MBNL1: variants seen among roughly 807,000 people sequenced by gnomAD.
MBNL1 encodes muscleblind like splicing regulator 1.
In MBNL1, 8 loss-of-function variants were observed where a neutral mutation model predicts 42.2. That is an observed-to-expected ratio of 0.19 (90% CI 0.11 to 0.34). The LOEUF (loss-of-function observed/expected upper bound fraction) is 0.34, where lower values mean the gene tolerates loss of function less well. Among genes scored for constraint, MBNL1 ranks in the 10% least tolerant of loss-of-function variants. The pLI is 1.00. For missense variants in MBNL1, 309 were observed against 495.3 expected (o/e 0.62, Z 3.57); for synonymous variants, 169 against 173.9 (o/e 0.97, Z 0.22).
At chr3:152,366,487 A>G (rs2096380323) in intron 2 of MBNL1, among the ~76,000 whole-genome samples, 2 of 152,184 alleles carry the variant, frequency 1.3e-5, no homozygotes, top group Non-Finnish European at 2.9e-5. Flanking sequence ...TGGCAGATAC[A>G]TTTCCAGTTG....
At chr3:152,316,824 C>T (rs1411649213) in intron 2 of MBNL1, among the ~76,000 whole-genome samples, 2 of 152,092 alleles carry the variant, frequency 1.3e-5, no homozygotes, top group African/African-American at 4.8e-5. Context: ...ATAGAGCTGG[C>T]TTTGCCTTCT....
intron 2 of MBNL1, among the ~76,000 whole-genome samples, chr3:152,411,099 C>A (rs867751501): frequency 6.6e-6 from 1 of 152,142 alleles, no homozygotes; most frequent in African/African-American, 2.4e-5. Context: ...AAAGATGTGA[C>A]CACTCAGAGA....
At chr3:152,446,697 A>T (rs763235343) in intron 5 of MBNL1, 1 of 1,613,714 alleles carries the variant, frequency 6.2e-7, no homozygotes, top group East Asian at 2.2e-5. Flanking sequence ...GCTGCCTGCT[A>T]ATTAAGACTC....
At chr3:152,317,150 G>T (rs2072335227) in intron 2 of MBNL1, among the ~76,000 whole-genome samples, 1 of 152,026 alleles carries the variant, frequency 6.6e-6, no homozygotes, top group Admixed American at 6.6e-5. Flanking sequence ...ATTTTCTACA[G>T]ATCTTCCATT....
chr3:152,343,754 T>G (rs929988593), intron 2 of MBNL1, among the ~76,000 whole-genome samples: 6 of 152,100 alleles, frequency 3.9e-5, no homozygotes, highest in African/African-American at 1.4e-4. Context: ...AGGAATAAAG[T>G]ATTCCAAATT....
intron 2 of MBNL1, among the ~76,000 whole-genome samples, chr3:152,260,300 T>C (rs2036038875): frequency 6.6e-6 from 1 of 152,114 alleles, no homozygotes; most frequent in African/African-American, 2.4e-5. Context: ...GCTAAGCCCA[T>C]TGCAGAAACA....
At chr3:152,371,408 A>C (rs2096653844) in intron 2 of MBNL1, among the ~76,000 whole-genome samples, 1 of 152,090 alleles carries the variant, frequency 6.6e-6, no homozygotes, top group Non-Finnish European at 1.5e-5. Flanking sequence ...GACCAGCCTG[A>C]CCAACATGGG....
chr3:152,445,885 T>C (rs1412077618), intron 5 of MBNL1, among the ~76,000 whole-genome samples: 4 of 152,226 alleles, frequency 2.6e-5, no homozygotes, highest in Non-Finnish European at 5.9e-5. Flanking sequence ...TAATCAGCCA[T>C]TGTTTTCCTT....
chr3:152,380,004 A>G (rs2097112211), intron 2 of MBNL1, among the ~76,000 whole-genome samples: 1 of 152,140 alleles, frequency 6.6e-6, no homozygotes, highest in Non-Finnish European at 1.5e-5. Flanking sequence ...AGATAAATTA[A>G]TATTAATTCT....
At chr3:152,311,000 ACT>A (rs2066087452) in intron 2 of MBNL1, among the ~76,000 whole-genome samples, 1 of 122,568 alleles carries the variant, frequency 8.2e-6, no homozygotes, top group African/African-American at 3.1e-5. Context: ...GAACCATGAG[ACT>A]TTTTTTTTTT....
At chr3:152,346,896 A>C (rs949390781) in intron 2 of MBNL1, among the ~76,000 whole-genome samples, 19 of 151,156 alleles carry the variant, frequency 1.3e-4, no homozygotes, top group Non-Finnish European at 2.2e-4. Flanking sequence ...AAAAAAAAAA[A>C]AACCAGTCAT....
At chr3:152,277,849 GTTA>G (rs2046212762) in intron 1 of MBNL1, among the ~76,000 whole-genome samples, 1 of 151,910 alleles carries the variant, frequency 6.6e-6, no homozygotes, top group Non-Finnish European at 1.5e-5. Context: ...CAACTTATTA[GTTA>G]TTTAGATTGC....
intron 2 of MBNL1, chr3:152,301,057 C>A: frequency 4.0e-6 from 1 of 247,856 alleles, no homozygotes; most frequent in Non-Finnish European, 6.4e-6. Flanking sequence ...TGTGAATTAG[C>A]AGTTTATTTT....
intron 3 of MBNL1, among the ~76,000 whole-genome samples, chr3:152,416,267 C>T (rs1223411941): frequency 2.0e-5 from 3 of 152,166 alleles, no homozygotes; most frequent in African/African-American, 7.2e-5. Flanking sequence ...CAGTTCTATA[C>T]AGTTGAAGTG....
chr3:152,388,361 G>C (rs1431234857), intron 2 of MBNL1, among the ~76,000 whole-genome samples: 3 of 152,168 alleles, frequency 2.0e-5, no homozygotes, highest in African/African-American at 4.8e-5. Context: ...AAAATATCAG[G>C]TTCTTTTCAT....
intron 1 of MBNL1, among the ~76,000 whole-genome samples, chr3:152,287,163 C>T (rs1229770088): frequency 4.0e-5 from 6 of 148,552 alleles, no homozygotes; most frequent in African/African-American, 1.2e-4. Context: ...TGCAGTGAGC[C>T]GAGATCACAC....
At chr3:152,362,287 T>C (rs1238870498) in intron 2 of MBNL1, among the ~76,000 whole-genome samples, 3 of 152,150 alleles carry the variant, frequency 2.0e-5, no homozygotes, top group South Asian at 2.1e-4. Flanking sequence ...GCCGCGCGGA[T>C]CCACTGGCAG....
At chr3:152,458,314 A>G (rs746353237) in intron 8 of MBNL1, 75 of 791,274 alleles carry the variant, frequency 9.5e-5, no homozygotes, top group Non-Finnish European at 1.5e-4. Context: ...TATACACGCC[A>G]GACTGTGGAT....
intron 2 of MBNL1, among the ~76,000 whole-genome samples, chr3:152,258,746 C>T (rs1443902299): frequency 6.6e-6 from 1 of 152,238 alleles, no homozygotes; most frequent in Admixed American, 6.5e-5. Context: ...ACTTCATCGG[C>T]TGCTTCTTTC....
Sources: gnomAD v4.1 joint callset for allele counts (sites outside exome capture counted in the v4.1 genomes callset) on GRCh38, gnomAD v4.1.1 for gene constraint, MANE v1.5 for transcripts, NCBI Gene and HGNC (gene_info 2026-07-23, HGNC 2026-07-21) for gene names.